Variants in ASIC2 observed in about 807,000 individuals in gnomAD.
The protein encoded by ASIC2 is acid-sensing ion channel 2.
A neutral mutation model predicts 57.3 loss-of-function variants in ASIC2; 25 were observed. That is an observed-to-expected ratio of 0.44 (90% confidence interval 0.32 to 0.61). The LOEUF is 0.61. Among genes scored for constraint, ASIC2 ranks in the 20% least tolerant of loss-of-function variants. The pLI is 0.06. For missense variants in ASIC2, 641 were observed against 738.1 expected, an observed-to-expected ratio of 0.87 and a Z score of 1.52; for synonymous variants, 319 against 307.5, an observed-to-expected ratio of 1.04 and a Z score of -0.39.
At chr17:34,044,318 C>T (rs753076401) in intron 1 of ASIC2, among the ~76,000 whole-genome samples, 8 of 152,120 alleles carry the variant, frequency 5.3e-5, no homozygotes, top group Admixed American at 2.0e-4. Context: ...CCAGAGCATC[C>T]TTTACATACA....
At chr17:33,564,850 C>A (rs1916184422) in intron 1 of ASIC2, among the ~76,000 whole-genome samples, 1 of 152,240 alleles carries the variant, frequency 6.6e-6, no homozygotes, top group Non-Finnish European at 1.5e-5. Context: ...AAGCCACAAA[C>A]AATAGCATGG....
chr17:33,162,077 T>C (rs1905179386), intron 1 of ASIC2, among the ~76,000 whole-genome samples: 1 of 152,132 alleles, frequency 6.6e-6, no homozygotes, highest in Admixed American at 6.5e-5. Context: ...GCTGACCACC[T>C]GACGTGACTC....
At chr17:33,889,813 G>A (rs980308182) in intron 1 of ASIC2, among the ~76,000 whole-genome samples, 2 of 152,190 alleles carry the variant, frequency 1.3e-5, no homozygotes, top group African/African-American at 4.8e-5. Flanking sequence ...CCAGGTGCTG[G>A]GCTAGACCCT....
chr17:33,684,193 C>A (rs1002157920), intron 1 of ASIC2, among the ~76,000 whole-genome samples: 3 of 152,186 alleles, frequency 2.0e-5, no homozygotes, highest in African/African-American at 4.8e-5. Flanking sequence ...AAATTATACA[C>A]CCTGGCATGT....
At chr17:33,034,335 G>A (rs552038789) in intron 3 of ASIC2, among the ~76,000 whole-genome samples, 58 of 152,180 alleles carry the variant, frequency 3.8e-4, no homozygotes, top group African/African-American at 1.4e-3. Flanking sequence ...CCTGTCTCTA[G>A]CAAGTAAAAA....
chr17:33,521,360 C>T (rs373618256), intron 1 of ASIC2, among the ~76,000 whole-genome samples: 1 of 152,140 alleles, frequency 6.6e-6, no homozygotes, highest in Non-Finnish European at 1.5e-5. Flanking sequence ...GCCTGCCACT[C>T]GGGGCCAGCC....
rs572941935 is a variant in ASIC2 at position 33,881,667 on chromosome 17, G to A, written c.555+274311C>T. 7.2e-4 allele frequency among the ~76,000 whole-genome samples: 109 copies of A among 150,528 alleles called. 1 individual carries two copies. Among genetic ancestry groups the A allele is most frequent in the African/African-American group, 2.0e-3 (83 of 40,966 alleles). On this transcript the variant is annotated intron_variant, in intron 1 of 9. Transcript: ENST00000359872. Reference sequence around the variant, plus strand: ...CTCATGGGTAGGAAGAATCAATATCGTGAAAATGGCCATACTGCCCAAGGT... The same window carrying A: ...CTCATGGGTAGGAAGAATCAATATCATGAAAATGGCCATACTGCCCAAGGT...
chr17:33,471,696 C>A (rs987629715), intron 1 of ASIC2, among the ~76,000 whole-genome samples: 1 of 152,186 alleles, frequency 6.6e-6, no homozygotes, highest in Middle Eastern at 3.4e-3. Flanking sequence ...GAGAGAATAA[C>A]AATATCTAAG....
chr17:33,899,895 A>G (rs1702175869), intron 1 of ASIC2, among the ~76,000 whole-genome samples: 2 of 152,236 alleles, frequency 1.3e-5, no homozygotes, highest in Admixed American at 1.3e-4. Flanking sequence ...AGATCTGTGG[A>G]GCTGTGAAGT....
At chr17:33,514,557 C>T (rs1404750612) in intron 1 of ASIC2, among the ~76,000 whole-genome samples, 1 of 152,222 alleles carries the variant, frequency 6.6e-6, no homozygotes, top group African/African-American at 2.4e-5. Context: ...ACATTCCGAG[C>T]ATTTCAGAGC....
chr17:33,765,191 C>T (rs1026323442), intron 1 of ASIC2, among the ~76,000 whole-genome samples: 1 of 152,114 alleles, frequency 6.6e-6, no homozygotes. Context: ...CTGCAAGCTC[C>T]GCCTCCCGGG....
chr17:33,925,545 G>A (rs527583043), intron 1 of ASIC2, among the ~76,000 whole-genome samples: 2 of 152,290 alleles, frequency 1.3e-5, no homozygotes, highest in East Asian at 1.9e-4. Flanking sequence ...ATGTGGCCTC[G>A]TCTGCTGCCC....
chr17:33,412,893 T>C (rs1393278337), intron 1 of ASIC2, among the ~76,000 whole-genome samples: 1 of 150,844 alleles, frequency 6.6e-6, no homozygotes. Context: ...CGGGGTCTGG[T>C]TTAGCTAATG....
At chr17:33,304,176 T>A (rs1197502712) in intron 1 of ASIC2, among the ~76,000 whole-genome samples, 2 of 152,178 alleles carry the variant, frequency 1.3e-5, no homozygotes, top group African/African-American at 4.8e-5. Context: ...ATGACAAGGA[T>A]GCCAGTGTTT....
intron 1 of ASIC2, among the ~76,000 whole-genome samples, chr17:33,845,440 G>A (rs567402824): frequency 7.2e-4 from 110 of 152,234 alleles, no homozygotes; most frequent in African/African-American, 2.6e-3. Flanking sequence ...TGCAGTGGGT[G>A]GTAAGAGAGC....
intron 1 of ASIC2, among the ~76,000 whole-genome samples, chr17:33,823,266 A>C (rs1274060156): frequency 6.6e-6 from 1 of 152,228 alleles, no homozygotes; most frequent in Non-Finnish European, 1.5e-5. Context: ...CTGGTTCCTG[A>C]AGCCCATTTC....
intron 1 of ASIC2, among the ~76,000 whole-genome samples, chr17:33,638,108 C>CT (rs1387554802): frequency 6.6e-6 from 1 of 152,110 alleles, no homozygotes; most frequent in African/African-American, 2.4e-5. Context: ...ATCTTAGGTT[C>CT]TTATAATAAT....
chr17:34,076,924 T>C (rs567997693), intron 1 of ASIC2, among the ~76,000 whole-genome samples: 1 of 152,312 alleles, frequency 6.6e-6, no homozygotes, highest in Non-Finnish European at 1.5e-5. Context: ...TGTGGGTGGC[T>C]TAGCGCAACA....
At chr17:33,863,530 A>C (rs890915336) in intron 1 of ASIC2, among the ~76,000 whole-genome samples, 3 of 152,226 alleles carry the variant, frequency 2.0e-5, no homozygotes, top group African/African-American at 7.2e-5. Flanking sequence ...CTCCCACCTC[A>C]GTGGAAATGG....
Sources: allele counts gnomAD v4.1 joint callset (sites outside exome capture counted in the v4.1 genomes callset), GRCh38; gene constraint gnomAD v4.1.1; transcripts MANE v1.5; gene names NCBI Gene and HGNC (gene_info 2026-07-23, HGNC 2026-07-21).